KCNK13: variants seen among roughly 807,000 people sequenced by gnomAD.
KCNK13 encodes potassium two pore domain channel subfamily K member 13, also known as potassium channel subfamily K member 13.
In KCNK13, 12 loss-of-function variants were observed where a neutral mutation model predicts 23.4. The ratio of observed to expected loss-of-function variants is 0.51; its 90% CI spans 0.33 to 0.83. KCNK13 has a LOEUF of 0.83. Among genes scored for constraint, KCNK13 ranks in the 40% least tolerant of loss-of-function variants. The pLI, the probability that KCNK13 is intolerant of heterozygous loss-of-function variation, is 0.02. For synonymous variants in KCNK13, 231 were observed against 229.5 expected (o/e 1.01, Z -0.06); for missense variants, 463 against 556.3 (o/e 0.83, Z 1.69).
chr14:90,137,560 A>G (rs1026727908), intron 1 of KCNK13, among the ~76,000 whole-genome samples: 6 of 152,078 alleles, frequency 3.9e-5, no homozygotes, highest in Non-Finnish European at 5.9e-5. Flanking sequence ...ACTTCAGGTG[A>G]TCCACCCACC....
intron 1 of KCNK13, among the ~76,000 whole-genome samples, chr14:90,132,543 C>CAAAAA (rs397853239): frequency 2.4e-5 from 2 of 83,958 alleles, no homozygotes; most frequent in African/African-American, 8.6e-5. Context: ...GACTCTGTCT[C>CAAAAA]AAAAAAAAAA....
intron 1 of KCNK13, among the ~76,000 whole-genome samples, chr14:90,160,930 TTAAA>T (rs1890246654): frequency 6.6e-6 from 1 of 151,772 alleles, no homozygotes. Flanking sequence ...TGAAAAAATA[TTAAA>T]TATTCTTTTT....
At chr14:90,084,786 A>T (rs1889253004) in intron 1 of KCNK13, among the ~76,000 whole-genome samples, 1 of 152,146 alleles carries the variant, frequency 6.6e-6, no homozygotes, top group Admixed American at 6.6e-5. Flanking sequence ...GTTGAGAAAG[A>T]TCCCTTCTAT....
At chr14:90,141,795 G>GGGT (rs1555352001) in intron 1 of KCNK13, among the ~76,000 whole-genome samples, 3 of 872 alleles carry the variant, frequency 3.4e-3, no homozygotes, top group East Asian at 0.083. Context: ...TTTGTTTTTT[G>GGGT]GGGGGGGGGA....
At chr14:90,145,891 C>G (rs941416512) in intron 1 of KCNK13, among the ~76,000 whole-genome samples, 7 of 151,758 alleles carry the variant, frequency 4.6e-5, no homozygotes, top group East Asian at 3.9e-4. Flanking sequence ...GTCCCAAATA[C>G]TGGGGGGGTG....
intron 1 of KCNK13, among the ~76,000 whole-genome samples, chr14:90,104,380 A>G (rs1270837670): frequency 3.3e-5 from 5 of 152,182 alleles, no homozygotes; most frequent in African/African-American, 7.2e-5. Context: ...CTATGATCAT[A>G]TAGGCCATTC....
chr14:90,079,907 TG>T (rs1889187124), intron 1 of KCNK13, among the ~76,000 whole-genome samples: 1 of 151,752 alleles, frequency 6.6e-6, no homozygotes, highest in South Asian at 2.1e-4. Flanking sequence ...GAGCAGGGAG[TG>T]GGTGTGTTGG....
At chr14:90,125,124 G>A (rs949291257) in intron 1 of KCNK13, among the ~76,000 whole-genome samples, 1 of 152,090 alleles carries the variant, frequency 6.6e-6, no homozygotes, top group Non-Finnish European at 1.5e-5. Flanking sequence ...TGATCATTTA[G>A]GAAGGATAGG....
At position 90,071,806 on chromosome 14, in the gene KCNK13, G is replaced by A. The variant is rs555626854; in HGVS notation, c.334+9267G>A. Among the ~76,000 whole-genome samples the A allele has an allele frequency of 5.9e-5, 9 of 152,124 alleles. No homozygotes were observed. In the South Asian group the frequency reaches 1.9e-3, roughly 32 times the overall value. On this transcript the variant is annotated intron_variant, in intron 1 of 1. Transcript: ENST00000282146. ...CCAGCTACTGGGGAGGCTGAGGCAGGAGAATCACTTGAACCTGGAAGGCGG... is the reference window on the plus strand; with the variant it reads ...CCAGCTACTGGGGAGGCTGAGGCAGAAGAATCACTTGAACCTGGAAGGCGG...
chr14:90,095,330 A>G (rs1231868035), intron 1 of KCNK13, among the ~76,000 whole-genome samples: 2 of 152,154 alleles, frequency 1.3e-5, no homozygotes, highest in Non-Finnish European at 2.9e-5. Context: ...AAAATGTATA[A>G]CTGCCGTGAA....
Position 90,184,854 on chromosome 14 carries a change from T to C in KCNK13, c.1078T>C (p.Leu360=). ...KDLLAANKAS[L]AILQKQLSEM... Reference sequence around the variant, plus strand: ...CTTGCTGGCAGCCAACAAGGCCTCGTTGGCCATCCTGCAGAAGCAACTGTC... The same window carrying C: ...CTTGCTGGCAGCCAACAAGGCCTCGCTGGCCATCCTGCAGAAGCAACTGTC... Residue 360 remains leucine (L), a synonymous_variant, in exon 2 of 2, where the codon TTG becomes CTG. Transcript: ENST00000282146. The surrounding 1 kb of genome is among the most constrained non-coding windows in gnomAD (Gnocchi z 5.6). 1.2e-6 allele frequency: 2 copies of C among 1,613,772 alleles called. No individual in the cohort carries two copies. Among genetic ancestry groups the C allele is most frequent in the South Asian group, 1.1e-5 (1 of 91,068 alleles).
intron 1 of KCNK13, among the ~76,000 whole-genome samples, chr14:90,110,048 C>T (rs1010440384): frequency 1.3e-5 from 2 of 152,098 alleles, no homozygotes; most frequent in Non-Finnish European, 1.5e-5. Context: ...ACAGCCCTAC[C>T]CCCTCCACAC....
At chr14:90,069,477 C>T (rs1003821252) in intron 1 of KCNK13, among the ~76,000 whole-genome samples, 3 of 151,916 alleles carry the variant, frequency 2.0e-5, no homozygotes, top group Non-Finnish European at 4.4e-5. Flanking sequence ...CTTGTTGGCC[C>T]TGGTCAGTGT....
At chr14:90,174,574 G>A (rs182495887) in intron 1 of KCNK13, among the ~76,000 whole-genome samples, 6 of 152,180 alleles carry the variant, frequency 3.9e-5, no homozygotes, top group South Asian at 2.1e-4. Context: ...AGGTCAGGCC[G>A]GGCATGGTGG....
At chr14:90,120,817 C>G (rs1424800796) in intron 1 of KCNK13, among the ~76,000 whole-genome samples, 3 of 152,186 alleles carry the variant, frequency 2.0e-5, no homozygotes. Context: ...CCCTCAAAGT[C>G]TTAACTCATT....
chr14:90,091,513 T>C (rs1357582456), intron 1 of KCNK13, among the ~76,000 whole-genome samples: 2 of 152,126 alleles, frequency 1.3e-5, no homozygotes, highest in African/African-American at 4.8e-5. Context: ...CAAAGAAAAA[T>C]AGCATCTCTA....
chr14:90,154,530 A>C (rs895154613), intron 1 of KCNK13, among the ~76,000 whole-genome samples: 1 of 152,196 alleles, frequency 6.6e-6, no homozygotes. Flanking sequence ...CATGTGCTCT[A>C]CTAGCCTAGC....
At chr14:90,089,474 G>T (rs1889317885) in intron 1 of KCNK13, among the ~76,000 whole-genome samples, 1 of 152,190 alleles carries the variant, frequency 6.6e-6, no homozygotes, top group African/African-American at 2.4e-5. Flanking sequence ...GCTGTTAAAG[G>T]CATTCAGTTT....
intron 1 of KCNK13, among the ~76,000 whole-genome samples, chr14:90,148,673 A>C (rs766466032): frequency 3.3e-5 from 5 of 152,186 alleles, no homozygotes; most frequent in African/African-American, 7.2e-5. Flanking sequence ...GGTGGCGGGG[A>C]AAGTTCAGAT....
Sources: allele counts gnomAD v4.1 joint callset (sites outside exome capture counted in the v4.1 genomes callset), GRCh38; gene constraint gnomAD v4.1.1; non-coding constraint Gnocchi (gnomAD v3.1); transcripts MANE v1.5; gene names NCBI Gene and HGNC (gene_info 2026-07-23, HGNC 2026-07-21).